Variants in AGBL4 observed in about 807,000 individuals in gnomAD.
AGBL4 encodes cytosolic carboxypeptidase 6.
In AGBL4, 58 loss-of-function variants were observed where a neutral mutation model predicts 66.4. The observed-to-expected ratio is 0.87, with a 90% CI of 0.71 to 1.09. AGBL4 has a LOEUF of 1.09. AGBL4 is among the 50% of genes least tolerant of loss of function. The pLI is 0.00. For synonymous variants in AGBL4, 234 were observed against 222.9 expected (o/e 1.05, Z -0.44); for missense variants, 579 against 631.0 (o/e 0.92, Z 0.88).
intron 3 of AGBL4, among the ~76,000 whole-genome samples, chr1:49,599,145 G>T (rs548352420): frequency 1.3e-5 from 2 of 152,088 alleles, no homozygotes; most frequent in African/African-American, 2.4e-5. Context: ...AGTCCCTCTT[G>T]TTCTATTGTT....
At chr1:48,651,041 A>C (rs546372267) in intron 8 of AGBL4, among the ~76,000 whole-genome samples, 1 of 152,030 alleles carries the variant, frequency 6.6e-6, no homozygotes, top group Non-Finnish European at 1.5e-5. Flanking sequence ...CTCAATTCTG[A>C]GTCTTTATTA....
At chr1:49,462,482 G>A (rs1646536449) in intron 3 of AGBL4, among the ~76,000 whole-genome samples, 1 of 151,672 alleles carries the variant, frequency 6.6e-6, no homozygotes, top group Admixed American at 6.6e-5. Context: ...ATGACTGTTG[G>A]TGTATCCTTA....
intron 1 of AGBL4, among the ~76,000 whole-genome samples, chr1:49,898,424 C>G (rs1335348363): frequency 6.6e-6 from 1 of 152,092 alleles, no homozygotes; most frequent in East Asian, 1.9e-4. Flanking sequence ...GATATCATCT[C>G]ACCCCAGTTA....
chr1:49,828,081 T>C (rs988143936), intron 2 of AGBL4, among the ~76,000 whole-genome samples: 2 of 152,004 alleles, frequency 1.3e-5, no homozygotes, highest in African/African-American at 2.4e-5. Flanking sequence ...TAGATTCTTA[T>C]GAACAGATGC....
chr1:48,666,926 C>G (rs993013748), intron 6 of AGBL4, among the ~76,000 whole-genome samples: 4 of 152,164 alleles, frequency 2.6e-5, no homozygotes, highest in Admixed American at 2.6e-4. Context: ...TATTCTTAGA[C>G]TAGACTCTTT....
chr1:49,829,656 G>A (rs536736128), intron 2 of AGBL4, among the ~76,000 whole-genome samples: 74 of 152,158 alleles, frequency 4.9e-4, no homozygotes, highest in Admixed American at 1.4e-3. Context: ...CGGAAAACAT[G>A]TGCGGAACGG....
At chr1:49,290,501 C>T (rs1415095833) in intron 3 of AGBL4, among the ~76,000 whole-genome samples, 3 of 152,098 alleles carry the variant, frequency 2.0e-5, no homozygotes, top group African/African-American at 7.2e-5. Flanking sequence ...ACTCTGCTTA[C>T]TCTAGAGAAA....
intron 3 of AGBL4, among the ~76,000 whole-genome samples, chr1:49,668,387 G>GA (rs889600633): frequency 2.6e-5 from 4 of 151,744 alleles, no homozygotes; most frequent in Non-Finnish European, 5.9e-5. Context: ...ATTCATCTCA[G>GA]AAAAAAAAGC....
chr1:48,541,070 C>G (rs781005754), intron 11 of AGBL4, among the ~76,000 whole-genome samples: 1 of 152,218 alleles, frequency 6.6e-6, no homozygotes, highest in Non-Finnish European at 1.5e-5. Context: ...CTACCTCCCA[C>G]CTACTCCCCT....
intron 3 of AGBL4, among the ~76,000 whole-genome samples, chr1:49,263,272 T>C (rs963483736): frequency 6.6e-6 from 1 of 151,918 alleles, no homozygotes; most frequent in Non-Finnish European, 1.5e-5. Context: ...AACCTGCACA[T>C]TGTGCACATG....
chr1:49,593,848 C>G (rs982120726), intron 3 of AGBL4, among the ~76,000 whole-genome samples: 1 of 151,912 alleles, frequency 6.6e-6, no homozygotes, highest in Non-Finnish European at 1.5e-5. Context: ...TACAAAATAA[C>G]ATGTTCGGTG....
At chr1:48,980,697 G>C (rs1659678287) in intron 5 of AGBL4, among the ~76,000 whole-genome samples, 1 of 121,042 alleles carries the variant, frequency 8.3e-6, no homozygotes, top group African/African-American at 3.2e-5. Flanking sequence ...ATTGGAATTA[G>C]TGTTTAAAAA....
chr1:49,939,434 G>A (rs367636368), intron 1 of AGBL4, among the ~76,000 whole-genome samples: 54 of 152,048 alleles, frequency 3.6e-4, no homozygotes, highest in African/African-American at 8.7e-4. Flanking sequence ...GAGGCATCAC[G>A]CTACCTGACT....
intron 2 of AGBL4, among the ~76,000 whole-genome samples, chr1:49,815,078 T>C (rs570100765): frequency 6.6e-6 from 1 of 152,290 alleles, no homozygotes; most frequent in Admixed American, 6.5e-5. Flanking sequence ...TTATTGACTA[T>C]ACTCACCCTG....
At chr1:49,931,665 A>G (rs80354612) in intron 1 of AGBL4, among the ~76,000 whole-genome samples, 5,611 of 152,274 alleles carry the variant, frequency 0.037, 109 homozygotes, top group Middle Eastern at 0.054. Context: ...AAACAGAGCT[A>G]AACAGTATCA....
chr1:49,473,535 C>A (rs1462385956), intron 3 of AGBL4, among the ~76,000 whole-genome samples: 6 of 151,880 alleles, frequency 4.0e-5, no homozygotes, highest in African/African-American at 1.4e-4. Context: ...ATTCTGGATA[C>A]TAGACCTCTG....
At chr1:49,997,587 G>C (rs1470261253) in intron 1 of AGBL4, among the ~76,000 whole-genome samples, 1 of 152,006 alleles carries the variant, frequency 6.6e-6, no homozygotes, top group East Asian at 1.9e-4. Context: ...AAATGAGATA[G>C]ACATGAACAC....
chr1:49,039,159 G>T (rs911160748), intron 5 of AGBL4, among the ~76,000 whole-genome samples: 1 of 152,088 alleles, frequency 6.6e-6, no homozygotes, highest in Non-Finnish European at 1.5e-5. Flanking sequence ...ACATTAAAAA[G>T]ATCAGTGGTT....
At chr1:48,894,333 TACTC>T (rs749842529) in intron 5 of AGBL4, among the ~76,000 whole-genome samples, 2 of 152,204 alleles carry the variant, frequency 1.3e-5, no homozygotes, top group Non-Finnish European at 2.9e-5. Flanking sequence ...AAAAAACTGA[TACTC>T]AGGTTAATTA....
Sources: allele counts gnomAD v4.1 joint callset (sites outside exome capture counted in the v4.1 genomes callset), GRCh38; gene constraint gnomAD v4.1.1; transcripts MANE v1.5; gene names NCBI Gene and HGNC (gene_info 2026-07-23, HGNC 2026-07-21).